CFAP61: variants seen among roughly 807,000 people sequenced by gnomAD.
The protein encoded by CFAP61 is cilia- and flagella-associated protein 61.
In CFAP61, 107 loss-of-function variants were observed where a neutral mutation model predicts 135.6. That is an observed-to-expected ratio of 0.79 (90% CI 0.67 to 0.93). The LOEUF is 0.93. CFAP61 is among the 40% of genes least tolerant of loss of function. The pLI, the probability that CFAP61 is intolerant of heterozygous loss-of-function variation, is 0.00. For missense variants in CFAP61, 1,507 were observed against 1,556.2 expected (o/e 0.97, Z 0.53); for synonymous variants, 575 against 578.5 (o/e 0.99, Z 0.09).
chr20:20,066,648 AG>A (rs2045293966), intron 2 of CFAP61, among the ~76,000 whole-genome samples: 2 of 151,662 alleles, frequency 1.3e-5, no homozygotes, highest in African/African-American at 2.4e-5. Flanking sequence ...GGACACAGGG[AG>A]GGGAACATCA....
rs1307012316 is a variant in CFAP61, at chr20:20,269,162, CACAT to C, written c.2503+6038_2503+6041del. Among the ~76,000 whole-genome samples the C allele has an allele frequency of 1.1e-4, 11 of 96,792 alleles. No individual in the cohort carries two copies. In the East Asian group the frequency reaches 2.1e-3, roughly 19 times the overall value. The allele number at this position is 96,792 out of a possible 152,430, so 63.5% of individuals were successfully genotyped here. On this transcript the variant is annotated intron_variant, in intron 21 of 26. Transcript: ENST00000245957. ...ATATATATATACACACACACACACA[CACAT>C]ACATATATGTATATACACACACATA...
At chr20:20,163,619 T>C (rs1450723603) in intron 10 of CFAP61, among the ~76,000 whole-genome samples, 9 of 151,968 alleles carry the variant, frequency 5.9e-5, no homozygotes, top group Admixed American at 1.3e-4. Context: ...TTTTTTAAAT[T>C]TTATTTTACG....
intron 6 of CFAP61, among the ~76,000 whole-genome samples, chr20:20,079,655 C>A (rs2046298794): frequency 2.6e-5 from 4 of 152,148 alleles, no homozygotes; most frequent in Admixed American, 6.5e-5. Context: ...AGCAGATGAA[C>A]TTCAGATACA....
At chr20:20,333,913 G>A (rs367862163) in intron 25 of CFAP61, among the ~76,000 whole-genome samples, 1 of 152,118 alleles carries the variant, frequency 6.6e-6, no homozygotes, top group African/African-American at 2.4e-5. Flanking sequence ...AGGGGAGGTC[G>A]TGGGGCCTGT....
chr20:20,343,941 G>C lies in CFAP61; in HGVS notation c.3513+2020G>C, dbSNP rs181855036. On this transcript the variant is annotated intron_variant, in intron 26 of 26. Coordinates refer to ENST00000245957, the MANE Select transcript of CFAP61 (RefSeq NM_015585.4). Reference sequence around the variant, plus strand: ...ATTTATGAACTCAGTGTGGACAGCAGGCCCAGGCAGCAGACCAGAAGTGGC... The same window carrying C: ...ATTTATGAACTCAGTGTGGACAGCACGCCCAGGCAGCAGACCAGAAGTGGC... Among the ~76,000 whole-genome samples the C allele has an allele frequency of 7.9e-4, 121 of 152,290 alleles. 2 individuals are homozygous for C. Among genetic ancestry groups the C allele is most frequent in the African/African-American group, 2.6e-3 (108 of 41,562 alleles).
intron 24 of CFAP61, among the ~76,000 whole-genome samples, chr20:20,296,297 CCCTTCCTT>C (rs768872433): frequency 3.7e-5 from 3 of 81,260 alleles, no homozygotes; most frequent in Non-Finnish European, 7.2e-5. Context: ...TTCCCTCCTT[CCCTTCCTT>C]CCTTCCTTCC....
chr20:20,339,003 CAG>C (rs2058339355), intron 25 of CFAP61, among the ~76,000 whole-genome samples: 1 of 152,212 alleles, frequency 6.6e-6, no homozygotes, highest in African/African-American at 2.4e-5. Flanking sequence ...GCAGCATGAA[CAG>C]AGACAGTAAT....
chr20:20,078,689 G>A (rs529906990), intron 6 of CFAP61, among the ~76,000 whole-genome samples: 45 of 152,044 alleles, frequency 3.0e-4, no homozygotes, highest in Non-Finnish European at 4.7e-4. Flanking sequence ...ATGAAAATGA[G>A]CTATGAATAA....
chr20:20,169,056 A>G (rs12625290), intron 12 of CFAP61, among the ~76,000 whole-genome samples: 13,644 of 152,206 alleles, frequency 0.09, 637 homozygotes, highest in Middle Eastern at 0.14. Flanking sequence ...TCCACAGAAG[A>G]GTTATGCTGA....
intron 17 of CFAP61, among the ~76,000 whole-genome samples, chr20:20,206,002 G>A (rs1056692090): frequency 2.0e-5 from 3 of 151,966 alleles, no homozygotes; most frequent in South Asian, 2.1e-4. Context: ...TTGGGGTGGG[G>A]GTTGGGTGGA....
chr20:20,245,983 G>C lies in CFAP61; in HGVS notation c.2061-134G>C, dbSNP rs557406375. On this transcript the variant is annotated intron_variant, in intron 18 of 26. Transcript: ENST00000245957. ...AATGGTTGGTTCTATCTGAAGGTTCGTGCAAAGAATTAGTAGCTCCAAAAG... is the reference window on the plus strand; with the variant it reads ...AATGGTTGGTTCTATCTGAAGGTTCCTGCAAAGAATTAGTAGCTCCAAAAG... The C allele has an allele frequency of 3.9e-5, 24 of 622,370 alleles. No homozygotes were observed. The South Asian group carries it at 4.4e-4, about 11-fold the overall frequency. 38.6% of individuals were successfully genotyped at this position (622,370 alleles called of 1,614,324 possible).
chr20:20,075,115 T>C, intron 4 of CFAP61, 74 bp from the exon 5 acceptor site: 1 of 1,368,870 alleles, frequency 7.3e-7, no homozygotes, highest in Non-Finnish European at 1.0e-6. Flanking sequence ...AGTGACAGCA[T>C]TTGTCTTCAT....
intron 26 of CFAP61, among the ~76,000 whole-genome samples, chr20:20,356,060 G>T (rs1391922479): frequency 7.0e-6 from 1 of 143,574 alleles, no homozygotes; most frequent in East Asian, 2.2e-4. Context: ...CACACTGAGG[G>T]GAGGTAGTGA....
intron 6 of CFAP61, chr20:20,085,278 G>GT: frequency 1.0e-6 from 1 of 985,398 alleles, no homozygotes; most frequent in Non-Finnish European, 1.2e-6. Context: ...TGCATGAGTT[G>GT]TTTTCCATAG....
chr20:20,092,244 G>A (rs1282611163), intron 7 of CFAP61, among the ~76,000 whole-genome samples: 1 of 152,168 alleles, frequency 6.6e-6, no homozygotes. Flanking sequence ...TTTGATTCAA[G>A]TTATATATGA....
intron 8 of CFAP61, among the ~76,000 whole-genome samples, chr20:20,102,006 T>A (rs189403071): frequency 6.6e-6 from 1 of 152,308 alleles, no homozygotes; most frequent in East Asian, 1.9e-4. Context: ...TCCCTCCGAC[T>A]TTTATTTTGT....
chr20:20,174,847 T>C (rs6046699), intron 13 of CFAP61, among the ~76,000 whole-genome samples: 137,430 of 152,228 alleles, frequency 0.9, 62,859 homozygotes, highest in Middle Eastern at 0.99. Flanking sequence ...AGAGTGGGAG[T>C]GACCTTAAAG....
chr20:20,090,630 C>A (rs1276299633), intron 6 of CFAP61, among the ~76,000 whole-genome samples: 1 of 138,842 alleles, frequency 7.2e-6, no homozygotes, highest in Non-Finnish European at 1.5e-5. Flanking sequence ...GCAGAGGTTG[C>A]AATGAGCCGA....
chr20:20,165,917 T>C (rs1307596212), intron 11 of CFAP61, among the ~76,000 whole-genome samples: 3 of 152,260 alleles, frequency 2.0e-5, no homozygotes, highest in South Asian at 4.1e-4. Context: ...TTTATATTTC[T>C]TTTATCTGTA....
Sources: gnomAD v4.1 joint callset for allele counts (sites outside exome capture counted in the v4.1 genomes callset) on GRCh38, gnomAD v4.1.1 for gene constraint, MANE v1.5 for transcripts, NCBI Gene and HGNC (gene_info 2026-07-23, HGNC 2026-07-21) for gene names.